The following CORIN variants were observed in gnomAD, a reference collection of about 807,000 sequenced individuals.
CORIN encodes the protein atrial natriuretic peptide-converting enzyme.
In CORIN, 117 loss-of-function variants were observed where a neutral mutation model predicts 125.3. That is an observed-to-expected ratio of 0.93 (90% confidence interval 0.80 to 1.09). CORIN has a LOEUF of 1.09. CORIN is among the 50% of genes least tolerant of loss of function. CORIN has a pLI of 0.00. For missense variants in CORIN, 1,253 were observed against 1,306.7 expected, an observed-to-expected ratio of 0.96 and a Z score of 0.63; for synonymous variants, 450 against 466.4, an observed-to-expected ratio of 0.96 and a Z score of 0.45.
At chr4:47,722,540 C>T (rs1165950783) in intron 5 of CORIN, among the ~76,000 whole-genome samples, 1 of 152,170 alleles carries the variant, frequency 6.6e-6, no homozygotes, top group Admixed American at 6.5e-5. Context: ...GCTATCCTGC[C>T]TCCTCATTCT....
chr4:47,774,215 T>C (rs556210010), intron 3 of CORIN, among the ~76,000 whole-genome samples: 1 of 152,276 alleles, frequency 6.6e-6, no homozygotes, highest in South Asian at 2.1e-4. Context: ...CATCTGGAGA[T>C]GCTGAGAAGA....
chr4:47,744,407 T>C lies in CORIN; in HGVS notation c.794A>G (p.Lys265Arg). 6 of 1,613,510 alleles carry C rather than the reference T, an allele frequency of 3.7e-6. No individual in the cohort carries two copies. Among genetic ancestry groups the C allele is most frequent in the Non-Finnish European group, 5.1e-6 (6 of 1,179,784 alleles). ...AATGAAACACAGACACCTACATTGC[T>C]TTCCGTTTTCCTGCTGAGGTGAGAA... ...ICFSPQQENG[K>R]QLLCGRGENF... Residue 265 changes from lysine to arginine, a missense_variant, in exon 5 of 22, where the codon AAG (lysine) becomes AGG (arginine). Lys to Arg is a conservative substitution (Grantham distance 26, BLOSUM62 2). Coordinates refer to ENST00000273857, the MANE Select transcript of CORIN (RefSeq NM_006587.4).
chr4:47,782,714 A>C (rs993056525), intron 3 of CORIN, among the ~76,000 whole-genome samples: 6 of 152,232 alleles, frequency 3.9e-5, no homozygotes, highest in African/African-American at 4.8e-5. Flanking sequence ...ATTACTCAGC[A>C]CTAAAAAGAA....
chr4:47,837,974 C>A lies in CORIN; in HGVS notation c.-25G>T. 6.2e-7 allele frequency: 1 copy of A among 1,609,862 alleles called. No individual in the cohort carries two copies. The highest frequency in any genetic ancestry group is 8.5e-7 in the Non-Finnish European group (1 of 1,179,980). ...TGGATAAAAAGTCTCGCTTATTCTTCTGTCCACTTTTATCTTGGTCGCTTT... is the reference window on the plus strand; with the variant it reads ...TGGATAAAAAGTCTCGCTTATTCTTATGTCCACTTTTATCTTGGTCGCTTT... On this transcript the variant is annotated 5_prime_UTR_variant, in exon 1 of 22. Coordinates refer to ENST00000273857, the MANE Select transcript of CORIN (RefSeq NM_006587.4).
chr4:47,777,213 A>G (rs1422382658), intron 3 of CORIN, among the ~76,000 whole-genome samples: 1 of 152,250 alleles, frequency 6.6e-6, no homozygotes, highest in East Asian at 1.9e-4. Flanking sequence ...GGTGCTTCAC[A>G]GAATATTAAC....
rs564603598 is a variant in CORIN at position 47,698,658 on chromosome 4, G to C, written c.800-5575C>G. 4.6e-5 allele frequency among the ~76,000 whole-genome samples: 7 copies of C among 152,190 alleles called. No homozygotes were observed. The South Asian group carries it at 1.5e-3, about 32-fold the overall frequency. ...CCTATTGTGTTGGAAATAGACTCTA[G>C]GGGGACAAGGGAAGAAGTAGGGATA... On this transcript the variant is annotated intron_variant, in intron 5 of 21. Transcript: ENST00000273857.
chr4:47,717,937 C>G (rs1727175763), intron 5 of CORIN, among the ~76,000 whole-genome samples: 1 of 151,970 alleles, frequency 6.6e-6, no homozygotes, highest in Non-Finnish European at 1.5e-5. Flanking sequence ...CATATCACAC[C>G]ACCGAAGTGA....
intron 12 of CORIN, among the ~76,000 whole-genome samples, chr4:47,660,625 G>T (rs1290131128): frequency 6.6e-6 from 1 of 152,058 alleles, no homozygotes; most frequent in Admixed American, 6.5e-5. Context: ...ACTACAATGA[G>T]GTATCATCTC....
chr4:47,642,797 C>T (rs1577773755), intron 15 of CORIN: 2 of 1,418,146 alleles, frequency 1.4e-6, no homozygotes, highest in East Asian at 5.0e-5. Flanking sequence ...CTATTCTATT[C>T]TAGCAGGTAG....
At chr4:47,674,524 T>TG in intron 9 of CORIN, 24 bp from the exon 10 acceptor site, 1 of 1,414,764 alleles carries the variant, frequency 7.1e-7, no homozygotes, top group Non-Finnish European at 1.0e-6. Context: ...AAAAGGCACA[T>TG]TGGCTTTCAT....
At chr4:47,624,890 A>G (rs1314862425) in intron 17 of CORIN, among the ~76,000 whole-genome samples, 6 of 144,012 alleles carry the variant, frequency 4.2e-5, no homozygotes, top group Admixed American at 1.4e-4. Context: ...AAAAAAAAAA[A>G]TGCAACCCTA....
chr4:47,689,204 C>T (rs10014636), intron 6 of CORIN, among the ~76,000 whole-genome samples: 7,576 of 152,218 alleles, frequency 0.05, 626 homozygotes, highest in African/African-American at 0.17. Flanking sequence ...ACAACAGTCA[C>T]GACCGCAAAT....
intron 3 of CORIN, among the ~76,000 whole-genome samples, chr4:47,776,114 G>C (rs1308722113): frequency 2.0e-5 from 3 of 151,752 alleles, no homozygotes; most frequent in African/African-American, 7.3e-5. Context: ...CAACCTCCCA[G>C]GCTCAAGTGC....
rs6854066 is a variant in CORIN at position 47,640,486 on chromosome 4, C to T, written c.2198+1434G>A. On this transcript the variant is annotated intron_variant, in intron 16 of 21. Transcript: ENST00000273857. ...TAGTTGTTACCTGGTCCAGTGGGTA[C>T]GAGAAAATGGAGAGTAACTGCCTAG... is the stretch of plus-strand genomic sequence containing the variant. 5.8e-3 allele frequency among the ~76,000 whole-genome samples: 883 copies of T among 152,164 alleles called. 3 individuals carry two copies. The highest frequency in any genetic ancestry group is 0.016 in the African/African-American group (680 of 41,508).
chr4:47,692,265 T>C (rs1725806492), intron 6 of CORIN, among the ~76,000 whole-genome samples: 1 of 152,232 alleles, frequency 6.6e-6, no homozygotes, highest in Non-Finnish European at 1.5e-5. Context: ...TGAATACAGA[T>C]TACTCAGTGT....
At chr4:47,641,436 G>C (rs143377626) in intron 16 of CORIN, among the ~76,000 whole-genome samples, 2 of 152,288 alleles carry the variant, frequency 1.3e-5, no homozygotes, top group Non-Finnish European at 2.9e-5. Context: ...ATCAAAGCCA[G>C]AGTGAATCTT....
chr4:47,765,029 G>C (rs2109874010), intron 3 of CORIN, among the ~76,000 whole-genome samples: 1 of 152,070 alleles, frequency 6.6e-6, no homozygotes, highest in South Asian at 2.1e-4. Flanking sequence ...AACATCCTAG[G>C]GGCCGGGTGC....
intron 5 of CORIN, among the ~76,000 whole-genome samples, chr4:47,721,952 T>C (rs1727367174): frequency 6.6e-6 from 1 of 152,226 alleles, no homozygotes; most frequent in South Asian, 2.1e-4. Context: ...TAAAATTAAT[T>C]GATTTTTTAT....
At chr4:47,817,222 A>G (rs968525137) in intron 1 of CORIN, among the ~76,000 whole-genome samples, 2 of 151,876 alleles carry the variant, frequency 1.3e-5, no homozygotes, top group Non-Finnish European at 2.9e-5. Context: ...TCAATCGAAT[A>G]TCAATCAAAA....
Sources: allele counts gnomAD v4.1 joint callset (sites outside exome capture counted in the v4.1 genomes callset), GRCh38; gene constraint gnomAD v4.1.1; transcripts MANE v1.5; gene names NCBI Gene and HGNC (gene_info 2026-07-23, HGNC 2026-07-21).